The following ENTREP1 variants were observed in gnomAD, a reference collection of about 807,000 sequenced individuals.
ENTREP1 encodes the protein endosomal transmembrane epsin interactor 1.
chr9:69,375,772 G>A, the ENTREP1 span: 1 of 1,613,722 alleles, frequency 6.2e-7, no homozygotes. Flanking sequence ...CTTCTGTTGT[G>A]AAGAATTTCA....
chr9:69,384,068 A>G, the ENTREP1 span: 1 of 1,455,020 alleles, frequency 6.9e-7, no homozygotes, highest in Non-Finnish European at 9.6e-7. Flanking sequence ...TTAAAACATG[A>G]TAAAATAGGC....
At chr9:69,348,916 G>C in the ENTREP1 span, among the ~76,000 whole-genome samples, 1 of 152,146 alleles carries the variant, frequency 6.6e-6, no homozygotes, top group Non-Finnish European at 1.5e-5. Context: ...AGGCATGGTG[G>C]CTCATGCCTG....
chr9:69,378,017 T>A, the ENTREP1 span, among the ~76,000 whole-genome samples: 1 of 151,962 alleles, frequency 6.6e-6, no homozygotes, highest in Non-Finnish European at 1.5e-5. Context: ...TCTCTGTCTC[T>A]CTCTCTCTGT....
At chr9:69,391,216 T>C in the ENTREP1 span, among the ~76,000 whole-genome samples, 160 of 152,318 alleles carry the variant, frequency 1.1e-3, 1 homozygote, top group Non-Finnish European at 1.9e-3. Flanking sequence ...GGGAATTCTG[T>C]AGCAATTTGC....
At chr9:69,380,714 G>T in the ENTREP1 span, 1 of 152,234 alleles carries the variant, frequency 6.6e-6, no homozygotes, top group Non-Finnish European at 1.5e-5. Context: ...TTGAGCCAGG[G>T]ATCAAGGAGT....
chr9:69,383,930 T>A, the ENTREP1 span: 1 of 1,610,576 alleles, frequency 6.2e-7, no homozygotes, highest in Admixed American at 1.7e-5. Flanking sequence ...ATAACCCTGT[T>A]TTTTGCTGTG....
chr9:69,343,057 G>A, the ENTREP1 span, among the ~76,000 whole-genome samples: 6 of 152,208 alleles, frequency 3.9e-5, no homozygotes, highest in Non-Finnish European at 8.8e-5. Context: ...GTTTAGTTTG[G>A]TAGCAACAGG....
chr9:69,346,129 C>T, the ENTREP1 span, among the ~76,000 whole-genome samples: 8 of 151,522 alleles, frequency 5.3e-5, no homozygotes, highest in East Asian at 2.0e-4. Flanking sequence ...ATTACAGGCA[C>T]GTGCCACCAT....
the ENTREP1 span, among the ~76,000 whole-genome samples, chr9:69,385,169 C>T: frequency 6.6e-6 from 1 of 152,186 alleles, no homozygotes; most frequent in South Asian, 2.1e-4. Context: ...GATCCACCCA[C>T]CTCAGCCTCC....
the ENTREP1 span, chr9:69,382,396 C>T: frequency 1.3e-5 from 2 of 152,206 alleles, no homozygotes; most frequent in Non-Finnish European, 1.5e-5. Flanking sequence ...CCCTCCCCCA[C>T]GAAGGGACCC....
chr9:69,333,913 A>C, the ENTREP1 span, among the ~76,000 whole-genome samples: 1 of 152,204 alleles, frequency 6.6e-6, no homozygotes, highest in Non-Finnish European at 1.5e-5. Flanking sequence ...ATACACACAT[A>C]CATGCACAAG....
At chr9:69,348,767 C>T in the ENTREP1 span, among the ~76,000 whole-genome samples, 1 of 152,124 alleles carries the variant, frequency 6.6e-6, no homozygotes, top group Admixed American at 6.5e-5. Flanking sequence ...TAAGATTCAC[C>T]CATGTTATAG....
chr9:69,344,951 G>C, the ENTREP1 span, among the ~76,000 whole-genome samples: 1 of 152,090 alleles, frequency 6.6e-6, no homozygotes, highest in African/African-American at 2.4e-5. Context: ...GGTTTCTCTT[G>C]TTCCTAACAT....
At chr9:69,371,705 C>T in the ENTREP1 span, 3 of 830,848 alleles carry the variant, frequency 3.6e-6, no homozygotes, top group Admixed American at 1.9e-5. Flanking sequence ...AGGCAACTGT[C>T]CTGAAGTGAA....
chr9:69,342,231 C>A, the ENTREP1 span, among the ~76,000 whole-genome samples: 1 of 152,140 alleles, frequency 6.6e-6, no homozygotes, highest in African/African-American at 2.4e-5. Context: ...TTTCTCCTGG[C>A]AGATATTATT....
At chr9:69,356,153 C>T in the ENTREP1 span, among the ~76,000 whole-genome samples, 4 of 152,176 alleles carry the variant, frequency 2.6e-5, no homozygotes, top group African/African-American at 4.8e-5. Context: ...CCCTGAAGTC[C>T]GTGGCAACCA....
chr9:69,358,888 T>C, the ENTREP1 span, among the ~76,000 whole-genome samples: 1 of 145,634 alleles, frequency 6.9e-6, no homozygotes, highest in South Asian at 2.2e-4. Flanking sequence ...TTTTTTTTCT[T>C]TTTCTTTTTC....
the ENTREP1 span, among the ~76,000 whole-genome samples, chr9:69,340,801 ATGTGTGTGTGTATG>A: frequency 9.6e-5 from 5 of 51,978 alleles, no homozygotes; most frequent in South Asian, 9.5e-4. Context: ...GTGTGTGTGC[ATGTGTGTGTGTATG>A]TGTGTGTGTG....
the ENTREP1 span, among the ~76,000 whole-genome samples, chr9:69,366,298 A>G: frequency 1.3e-5 from 2 of 151,326 alleles, no homozygotes; most frequent in Non-Finnish European, 2.9e-5. Context: ...GCTTTTTCAC[A>G]ACCCTGTTAA....
Sources: allele counts gnomAD v4.1 joint callset (sites outside exome capture counted in the v4.1 genomes callset), GRCh38; gene constraint gnomAD v4.1.1; transcripts MANE v1.5; gene names NCBI Gene and HGNC (gene_info 2026-07-23, HGNC 2026-07-21).